TPRG1: variants seen among roughly 807,000 people sequenced by gnomAD.
The protein encoded by TPRG1 is tumor protein p63 regulated 1.
Under a neutral mutation model 29.3 loss-of-function variants are expected in TPRG1, and 29 were observed. The observed-to-expected ratio is 0.99, with a 90% CI of 0.74 to 1.35. The LOEUF (loss-of-function observed/expected upper bound fraction) is 1.35, where lower values mean the gene tolerates loss of function less well. Ranked by LOEUF, TPRG1 falls within the 40% of genes most tolerant of loss-of-function variation. The probability of loss-of-function intolerance (pLI) is 0.00; values close to 1 mark genes in which losing one functional copy is unlikely to be tolerated. For missense variants in TPRG1, 327 were observed against 335.0 expected (o/e 0.98, Z 0.19); for synonymous variants, 130 against 116.8 (o/e 1.11, Z -0.73).
intron 1 of TPRG1, among the ~76,000 whole-genome samples, chr3:189,122,573 G>A (rs1015341709): frequency 3.9e-5 from 6 of 152,188 alleles, no homozygotes; most frequent in Admixed American, 3.3e-4. Context: ...CTGGTTAAAA[G>A]ATCTTAGTTA....
At chr3:189,007,436 T>A (rs1712352224) in intron 3 of TPRG1, among the ~76,000 whole-genome samples, 1 of 151,962 alleles carries the variant, frequency 6.6e-6, no homozygotes, top group Non-Finnish European at 1.5e-5. Context: ...GGAACACTTT[T>A]ACATTGTTGG....
In TPRG1 at chr3:189,103,329, T is replaced by A. The variant is rs149100652; in HGVS notation, c.-744+3125T>A. 3.5e-3 allele frequency among the ~76,000 whole-genome samples: 530 copies of A among 152,256 alleles called. 5 individuals carry two copies. Among genetic ancestry groups the A allele is most frequent in the African/African-American group, 0.012 (507 of 41,540 alleles). ...TTACTATTTGACCTTTTGCAGAAAA[T>A]GTTTGCAGTCCCCTTTCATCTATTA... On this transcript the variant is annotated intron_variant, in intron 1 of 6. Coordinates refer to the TPRG1 transcript ENST00000412373.
intron 4 of TPRG1, among the ~76,000 whole-genome samples, chr3:189,271,734 A>G (rs937863701): frequency 3.3e-5 from 5 of 152,236 alleles, no homozygotes; most frequent in Admixed American, 1.3e-4. Flanking sequence ...AGTTAAACAC[A>G]TTTACAGAGA....
At chr3:189,245,053 T>C (rs1741177663) in intron 4 of TPRG1, among the ~76,000 whole-genome samples, 1 of 152,128 alleles carries the variant, frequency 6.6e-6, no homozygotes, top group Non-Finnish European at 1.5e-5. Context: ...CCCAAGTAGC[T>C]GAGATTACAG....
chr3:189,199,836 C>T (rs950580918), intron 1 of TPRG1, among the ~76,000 whole-genome samples: 2 of 152,028 alleles, frequency 1.3e-5, no homozygotes, highest in African/African-American at 2.4e-5. Context: ...GCTGAGATCA[C>T]GCCACTGCAC....
intron 5 of TPRG1, among the ~76,000 whole-genome samples, chr3:189,164,623 G>C (rs921880970): frequency 8.7e-6 from 1 of 115,130 alleles, no homozygotes. Context: ...AAAAATAAAA[G>C]CTTCCCTTTT....
intron 3 of TPRG1, among the ~76,000 whole-genome samples, chr3:189,220,391 G>C (rs1041128590): frequency 2.0e-5 from 3 of 151,974 alleles, no homozygotes; most frequent in African/African-American, 7.3e-5. Context: ...CAAATGTTTT[G>C]ATGTCCATGC....
At chr3:189,252,181 C>A (rs138453158) in intron 4 of TPRG1, among the ~76,000 whole-genome samples, 2,767 of 152,256 alleles carry the variant, frequency 0.018, 84 homozygotes, top group African/African-American at 0.062. Context: ...GGACACAGCA[C>A]ATGTTTCAGA....
chr3:189,062,698 A>G (rs1014126657), intron 4 of TPRG1, among the ~76,000 whole-genome samples: 2 of 151,208 alleles, frequency 1.3e-5, no homozygotes, highest in South Asian at 2.1e-4. Context: ...GTGATAAGCC[A>G]TATAATAAGC....
At chr3:189,011,659 A>G (rs1712608519) in intron 3 of TPRG1, among the ~76,000 whole-genome samples, 1 of 152,178 alleles carries the variant, frequency 6.6e-6, no homozygotes, top group Non-Finnish European at 1.5e-5. Context: ...GCCCCCATGA[A>G]TCAATCATCT....
intron 1 of TPRG1, among the ~76,000 whole-genome samples, chr3:189,103,643 AC>A (rs1198098428): frequency 3.3e-5 from 5 of 152,058 alleles, no homozygotes; most frequent in African/African-American, 4.8e-5. Flanking sequence ...CCAGAAAACA[AC>A]CCCCAAAAGC....
intron 4 of TPRG1, among the ~76,000 whole-genome samples, chr3:189,074,982 T>C (rs1437407087): frequency 6.6e-6 from 1 of 150,656 alleles, no homozygotes; most frequent in East Asian, 2.0e-4. Context: ...CGGCTAATTT[T>C]TTGTATTTTT....
chr3:189,184,152 C>T (rs1291244540), intron 1 of TPRG1, among the ~76,000 whole-genome samples: 1 of 152,140 alleles, frequency 6.6e-6, no homozygotes, highest in Non-Finnish European at 1.5e-5. Context: ...TTTTGATGAA[C>T]TTAGAGCTCT....
At chr3:189,103,073 A>G (rs1485870020) in intron 1 of TPRG1, among the ~76,000 whole-genome samples, 1 of 152,144 alleles carries the variant, frequency 6.6e-6, no homozygotes, top group Non-Finnish European at 1.5e-5. Context: ...TCTGCCAATC[A>G]ATTAACTCTC....
At chr3:189,031,963 A>G (rs1713956480) in intron 4 of TPRG1, among the ~76,000 whole-genome samples, 1 of 152,166 alleles carries the variant, frequency 6.6e-6, no homozygotes, top group South Asian at 2.1e-4. Context: ...CCAGTTAGGT[A>G]TAAAATTGAC....
intron 3 of TPRG1, among the ~76,000 whole-genome samples, chr3:189,017,229 A>AT (rs1191851078): frequency 3.0e-4 from 43 of 145,374 alleles, no homozygotes; most frequent in Non-Finnish European, 6.0e-4. Flanking sequence ...TAAAATATAT[A>AT]TTTTTTTATA....
chr3:189,137,551 C>T (rs1029478345), intron 3 of TPRG1, among the ~76,000 whole-genome samples: 11 of 152,240 alleles, frequency 7.2e-5, no homozygotes, highest in African/African-American at 2.6e-4. Flanking sequence ...ACATTCCACA[C>T]AGCCCTTATT....
At chr3:189,266,601 C>T (rs144715422) in intron 4 of TPRG1, among the ~76,000 whole-genome samples, 3 of 152,128 alleles carry the variant, frequency 2.0e-5, no homozygotes, top group Non-Finnish European at 2.9e-5. Flanking sequence ...TGAAAATGCT[C>T]ATAGGAACAA....
chr3:189,243,999 G>T (rs1486176467), intron 4 of TPRG1, among the ~76,000 whole-genome samples: 1 of 152,046 alleles, frequency 6.6e-6, no homozygotes, highest in Non-Finnish European at 1.5e-5. Flanking sequence ...TTCAACCTCT[G>T]CCTGTTACCC....
Sources: gnomAD v4.1 joint callset for allele counts (sites outside exome capture counted in the v4.1 genomes callset) on GRCh38, gnomAD v4.1.1 for gene constraint, MANE v1.5 for transcripts, NCBI Gene and HGNC (gene_info 2026-07-23, HGNC 2026-07-21) for gene names.